The following PLCB1 variants were observed in gnomAD, a reference collection of about 807,000 sequenced individuals.
The protein encoded by PLCB1 is phospholipase C beta 1.
Under a neutral mutation model 161.8 loss-of-function variants are expected in PLCB1, and 46 were observed. The ratio of observed to expected loss-of-function variants is 0.28; its 90% CI spans 0.22 to 0.36. The LOEUF is 0.36. PLCB1 is among the 10% of genes least tolerant of loss of function. The pLI is 1.00. For synonymous variants in PLCB1, 517 were observed against 503.7 expected, an observed-to-expected ratio of 1.03 and a Z score of -0.35; for missense variants, 1,016 against 1,472.5, an observed-to-expected ratio of 0.69 and a Z score of 5.07.
At chr20:8,488,370 T>A (rs1195068252) in intron 3 of PLCB1, among the ~76,000 whole-genome samples, 1 of 152,114 alleles carries the variant, frequency 6.6e-6, no homozygotes, top group Non-Finnish European at 1.5e-5. Flanking sequence ...GCCAGCTCCT[T>A]CCTCTGCCCC....
intron 7 of PLCB1, chr20:8,652,556 A>T (rs1216371061): frequency 1.3e-5 from 2 of 152,130 alleles, no homozygotes; most frequent in Admixed American, 6.6e-5. Flanking sequence ...CATATTCACA[A>T]GAGGTATTTT....
intron 6 of PLCB1, 35 bp from the exon 7 acceptor site, chr20:8,649,339 T>G: frequency 6.7e-7 from 1 of 1,501,700 alleles, no homozygotes; most frequent in Admixed American, 1.7e-5. Context: ...CATGTGCCAT[T>G]TAAACCTCTC....
At chr20:8,735,839 G>A (rs765434145) in intron 19 of PLCB1, among the ~76,000 whole-genome samples, 1 of 152,140 alleles carries the variant, frequency 6.6e-6, no homozygotes, top group Non-Finnish European at 1.5e-5. Context: ...GAACATACAG[G>A]GGAAATGAGT....
chr20:8,701,021 C>G (rs1196731713), intron 11 of PLCB1, among the ~76,000 whole-genome samples: 1 of 152,202 alleles, frequency 6.6e-6, no homozygotes, highest in Non-Finnish European at 1.5e-5. Flanking sequence ...CGTCTTTGCT[C>G]TCAGGGCTGT....
rs146295386 is a variant in PLCB1, at chr20:8,472,905, C to T, written c.246+101455C>T. On this transcript the variant is annotated intron_variant, in intron 3 of 31. Transcript: ENST00000338037. ...TTTACATTGTTGTTTACAAAATGCT[C>T]TTTCTGGTGGACTGTTTCCCTTCAA... Among the ~76,000 whole-genome samples, 579 of 152,250 alleles carry T rather than the reference C, an allele frequency of 3.8e-3. 6 individuals carry two copies. The highest frequency in any genetic ancestry group is 0.014 in the African/African-American group (562 of 41,546).
At chr20:8,633,145 CACAT>C (rs1444486728) in intron 4 of PLCB1, among the ~76,000 whole-genome samples, 39 of 110,046 alleles carry the variant, frequency 3.5e-4, no homozygotes, top group African/African-American at 1.3e-3. Context: ...CACACACACA[CACAT>C]ATTATAAAGA....
intron 2 of PLCB1, among the ~76,000 whole-genome samples, chr20:8,333,712 G>A (rs150901096): frequency 1.3e-5 from 2 of 152,322 alleles, no homozygotes; most frequent in Non-Finnish European, 2.9e-5. Flanking sequence ...TTAGGAGCAT[G>A]TTTGCAGCCA....
At chr20:8,675,793 A>G (rs753586284) in intron 9 of PLCB1, among the ~76,000 whole-genome samples, 15 of 152,218 alleles carry the variant, frequency 9.9e-5, no homozygotes, top group African/African-American at 3.4e-4. Flanking sequence ...GTATCTGGCT[A>G]TATGTTTACA....
intron 2 of PLCB1, among the ~76,000 whole-genome samples, chr20:8,323,432 G>C (rs1055336760): frequency 4.6e-5 from 7 of 152,128 alleles, no homozygotes; most frequent in Admixed American, 4.6e-4. Flanking sequence ...CCTGGGGCTA[G>C]AGCATCTCAA....
intron 3 of PLCB1, among the ~76,000 whole-genome samples, chr20:8,545,111 T>A (rs538990404): frequency 6.6e-6 from 1 of 152,240 alleles, no homozygotes; most frequent in African/African-American, 2.4e-5. Flanking sequence ...AAGACAAAAA[T>A]TAACGCAATG....
chr20:8,575,397 G>A (rs1298582912), intron 3 of PLCB1, among the ~76,000 whole-genome samples: 3 of 152,282 alleles, frequency 2.0e-5, no homozygotes, highest in Admixed American at 1.3e-4. Context: ...TTATTATTGT[G>A]CCCACAGAAA....
intron 3 of PLCB1, among the ~76,000 whole-genome samples, chr20:8,377,914 G>A (rs183379957): frequency 6.6e-6 from 1 of 152,288 alleles, no homozygotes; most frequent in East Asian, 1.9e-4. Flanking sequence ...ACAAATGTGG[G>A]CATTTGAGGC....
chr20:8,847,905 A>T (rs561445001), intron 31 of PLCB1, among the ~76,000 whole-genome samples: 1 of 152,222 alleles, frequency 6.6e-6, no homozygotes, highest in East Asian at 1.9e-4. Context: ...ACGAACAGAA[A>T]TCTATTTTCT....
In PLCB1 at chr20:8,763,645, C is replaced by T. The variant is rs375925318; in HGVS notation, c.2711-1494C>T. ...CAGATATCCACCCACCTTGGCCTCC[C>T]AAAGTGCTGGACTTACAGGCATGCG... On this transcript the variant is annotated intron_variant, in intron 25 of 31. Coordinates refer to ENST00000338037, the MANE Select transcript of PLCB1 (RefSeq NM_015192.4). Among the ~76,000 whole-genome samples the T allele has an allele frequency of 7.2e-5, 11 of 152,006 alleles. No homozygotes were observed. In the East Asian group the frequency reaches 1.6e-3, roughly 22 times the overall value.
At position 8,883,556 on chromosome 20, in the gene PLCB1, A is replaced by C. The variant is rs708910; in HGVS notation, c.*1707A>C. The C allele has an allele frequency of 4.0e-5, 6 of 151,844 alleles. No homozygotes were observed. The highest frequency in any genetic ancestry group is 7.2e-5 in the African/African-American group (3 of 41,386). 9.4% of individuals were successfully genotyped at this position (151,844 alleles called of 1,614,324 possible). ...GAAATATCTTAAAACGCAAAAACCA[A>C]TTGTGTCCTGAAAATTGTTTCAAGA... On this transcript the variant is annotated 3_prime_UTR_variant, in exon 32 of 32. Transcript: ENST00000338037.
At chr20:8,489,457 T>C (rs1982858044) in intron 3 of PLCB1, among the ~76,000 whole-genome samples, 2 of 152,228 alleles carry the variant, frequency 1.3e-5, no homozygotes, top group African/African-American at 4.8e-5. Context: ...TGTCTTCCTG[T>C]CTTTATGTAA....
At chr20:8,220,138 G>T (rs1339355031) in intron 2 of PLCB1, among the ~76,000 whole-genome samples, 2 of 152,186 alleles carry the variant, frequency 1.3e-5, no homozygotes, top group East Asian at 3.9e-4. Flanking sequence ...GAGTTTTGAA[G>T]TTTGAGAAAT....
At chr20:8,217,180 G>A (rs1045589019) in intron 2 of PLCB1, among the ~76,000 whole-genome samples, 2 of 152,032 alleles carry the variant, frequency 1.3e-5, no homozygotes, top group Admixed American at 6.6e-5. Context: ...AAACCTTCAC[G>A]CAGAAGCCAA....
chr20:8,823,017 C>T (rs1026736289), intron 31 of PLCB1, among the ~76,000 whole-genome samples: 1 of 152,146 alleles, frequency 6.6e-6, no homozygotes, highest in African/African-American at 2.4e-5. Flanking sequence ...TAGGTATTAT[C>T]ATTATTCCCT....
Sources: allele counts gnomAD v4.1 joint callset (sites outside exome capture counted in the v4.1 genomes callset), GRCh38; gene constraint gnomAD v4.1.1; transcripts MANE v1.5; gene names NCBI Gene and HGNC (gene_info 2026-07-23, HGNC 2026-07-21).